MAPKAPK5: variants seen among roughly 807,000 people sequenced by gnomAD.
MAPKAPK5 encodes the protein MAP kinase-activated protein kinase 5.
Under a neutral mutation model 65.1 loss-of-function variants are expected in MAPKAPK5, and 30 were observed. The observed-to-expected ratio is 0.46, with a 90% CI of 0.34 to 0.63. The LOEUF is 0.63. Among genes scored for constraint, MAPKAPK5 ranks in the 20% least tolerant of loss-of-function variants. MAPKAPK5 has a pLI of 0.01. For synonymous variants in MAPKAPK5, 179 were observed against 204.6 expected (o/e 0.87, Z 1.07); for missense variants, 433 against 581.4 (o/e 0.74, Z 2.63).
rs1370256996 is a variant in MAPKAPK5 at position 111,899,958 on chromosome 12, T to TA, written c.*6898dup. The TA allele has an allele frequency of 4.4e-6, 2 of 456,106 alleles. No homozygotes were observed. Among genetic ancestry groups the TA allele is most frequent in the Admixed American group, 4.7e-5 (2 of 42,576 alleles). 28.3% of individuals were successfully genotyped at this position (456,106 alleles called of 1,614,324 possible). On this transcript the variant is annotated 3_prime_UTR_variant, in exon 14 of 14. Coordinates refer to ENST00000550735, the MANE Select transcript of MAPKAPK5 (RefSeq NM_003668.4). ...GTCCTACTTGTGGTCACACAAAAAG[T>TA]ACGTGGAGATGTTTGTCGTGGTCAA...
chr12:111,872,351 A>G (rs2069811585), intron 7 of MAPKAPK5, among the ~76,000 whole-genome samples: 1 of 152,142 alleles, frequency 6.6e-6, no homozygotes, highest in African/African-American at 2.4e-5. Context: ...TTTAATCACG[A>G]CATTGTCCTG....
In MAPKAPK5 at chr12:111,890,041, A is replaced by G; in HGVS notation, c.1218A>G (p.Gly406=). The change falls in exon 13 of 14, where the codon GGA becomes GGG. Residue 406 remains glycine, a splice_region_variant and synonymous_variant. Coordinates refer to ENST00000550735, the MANE Select transcript of MAPKAPK5 (RefSeq NM_003668.4). ...ATTCCTCTTCATCCTTACCAATAGG[A>G]GAGAATGAAGATGAGAAACTGAATG... is the stretch of plus-strand genomic sequence containing the variant. ...VIAQCILPQA[G]ENEDEKLNEV... is the part of the protein sequence containing the mutation. The G allele has an allele frequency of 6.4e-7, 1 of 1,573,684 alleles. No homozygotes were observed. Among genetic ancestry groups the G allele is most frequent in the Non-Finnish European group, 8.7e-7 (1 of 1,155,288 alleles).
At position 111,880,438 on chromosome 12, in the gene MAPKAPK5, T is replaced by A; in HGVS notation, c.580-9T>A. ...ATTAAATGGTCCCCTTTGGTCTGACTCTTGACAGGTACTGGAGGCGCAAAG... is the reference window on the plus strand; with the variant it reads ...ATTAAATGGTCCCCTTTGGTCTGACACTTGACAGGTACTGGAGGCGCAAAG... On this transcript the variant is annotated splice_polypyrimidine_tract_variant and intron_variant, in intron 7 of 13. Transcript: ENST00000550735. 6.2e-7 allele frequency: 1 copy of A among 1,613,252 alleles called. No homozygotes were observed. The highest frequency in any genetic ancestry group is 8.5e-7 in the Non-Finnish European group (1 of 1,179,236).
At position 111,900,002 on chromosome 12, in the gene MAPKAPK5, G is replaced by T. The variant is rs777447106; in HGVS notation, c.*6941G>T. ...TGGTCAACAACCAGCGGTTCCAGAT[G>T]TGGGGCAGTAACGTCAATGAGACGG... On this transcript the variant is annotated 3_prime_UTR_variant, in exon 14 of 14. Coordinates refer to ENST00000550735, the MANE Select transcript of MAPKAPK5 (RefSeq NM_003668.4). 2.2e-6 allele frequency: 1 copy of T among 455,988 alleles called. No individual in the cohort carries two copies. The highest frequency in any genetic ancestry group is 1.5e-5 in the South Asian group (1 of 64,566). The allele number at this position is 455,988 out of a possible 1,614,324, so 28.2% of individuals were successfully genotyped here. A position where few individuals can be genotyped will look rare whatever the true frequency, so the allele number is the denominator to read the frequency against.
At chr12:111,878,677 C>T (rs1395977242) in intron 7 of MAPKAPK5, among the ~76,000 whole-genome samples, 1 of 152,096 alleles carries the variant, frequency 6.6e-6, no homozygotes, top group East Asian at 1.9e-4. Flanking sequence ...CCTCGGCCTC[C>T]CAAAGTGCTG....
chr12:111,871,453 A>T (rs1391598532), intron 7 of MAPKAPK5, among the ~76,000 whole-genome samples: 1 of 152,076 alleles, frequency 6.6e-6, no homozygotes, highest in Admixed American at 6.6e-5. Context: ...ATCCTGGATA[A>T]CACGGTGAAA....
intron 7 of MAPKAPK5, among the ~76,000 whole-genome samples, chr12:111,871,636 C>T (rs2069789138): frequency 1.3e-5 from 2 of 152,002 alleles, no homozygotes; most frequent in African/African-American, 2.4e-5. Context: ...GAGCGAGACT[C>T]CGTCTCAAAA....
chr12:111,889,223 T>C (rs990505962), intron 12 of MAPKAPK5: 3 of 451,614 alleles, frequency 6.6e-6, no homozygotes, highest in Non-Finnish European at 1.2e-5. Context: ...CCCTCCTTTG[T>C]TTCTGTGGAA....
At chr12:111,842,807 T>C in intron 1 of MAPKAPK5, 38 bp downstream of exon 1, 1 of 1,300,260 alleles carries the variant, frequency 7.7e-7, no homozygotes, top group Non-Finnish European at 9.9e-7. Flanking sequence ...CGCGTTGTCC[T>C]GTGGCGTTCT....
In MAPKAPK5 at chr12:111,868,862, G is replaced by T; in HGVS notation, c.393+1G>T. 3 of 1,555,666 alleles carry T rather than the reference G, an allele frequency of 1.9e-6. No homozygotes were observed. Among genetic ancestry groups the T allele is most frequent in the Non-Finnish European group, 2.6e-6 (3 of 1,149,568 alleles). Reference sequence around the variant, plus strand: ...GCAAGCCAGCCAAGTAACAAAGCAGGCAAGTTAACCCCAGGTACCAATCAA... The same window carrying T: ...GCAAGCCAGCCAAGTAACAAAGCAGTCAAGTTAACCCCAGGTACCAATCAA... On this transcript the variant is annotated splice_donor_variant, in intron 5 of 13. Coordinates refer to ENST00000550735, the MANE Select transcript of MAPKAPK5 (RefSeq NM_003668.4). LOFTEE classifies it high-confidence loss of function.
intron 7 of MAPKAPK5, among the ~76,000 whole-genome samples, chr12:111,872,569 G>C (rs550550339): frequency 6.6e-6 from 1 of 152,290 alleles, no homozygotes; most frequent in South Asian, 2.1e-4. Context: ...AAACTTAGTA[G>C]ATAAAAACAA....
intron 10 of MAPKAPK5, 38 bp downstream of exon 10, chr12:111,886,074 G>C: frequency 6.2e-7 from 1 of 1,613,652 alleles, no homozygotes; most frequent in Non-Finnish European, 8.5e-7. Context: ...TGAAAAGACT[G>C]TGTTGGGAAG....
rs1026550110 is a variant in MAPKAPK5 at position 111,867,654 on chromosome 12, A to G, written c.269A>G (p.His90Arg). ...TTTGCTAACAGTGTCCAGTTTCCCC[A>G]TGAGTCCAGCCCTAGGTAAGACTAC... ...EVFANSVQFPHESSPRARLLI... is the reference protein window; with the variant it reads ...EVFANSVQFPRESSPRARLLI... Residue 90 changes from histidine (H) to arginine (R), a missense_variant, in exon 4 of 14, where the codon CAT (histidine) becomes CGT (arginine). Physicochemically the swap from His to Arg is conservative, Grantham distance 29 (BLOSUM62 0). Transcript: ENST00000550735. 7.4e-6 allele frequency: 12 copies of G among 1,613,574 alleles called. No homozygotes were observed. Among genetic ancestry groups the G allele is most frequent in the Non-Finnish European group, 8.5e-6 (10 of 1,179,698 alleles).
chr12:111,856,120 G>C (rs2069231028), intron 1 of MAPKAPK5, among the ~76,000 whole-genome samples: 1 of 152,014 alleles, frequency 6.6e-6, no homozygotes, highest in Admixed American at 6.5e-5. Flanking sequence ...CTCCCAAAGT[G>C]CTGGGATTAC....
chr12:111,899,814 T>TG lies in MAPKAPK5; in HGVS notation c.*6755dup, dbSNP rs1251245022. The TG allele has an allele frequency of 2.4e-6, 1 of 423,732 alleles. No individual in the cohort carries two copies. The highest frequency in any genetic ancestry group is 1.6e-5 in the South Asian group (1 of 61,546). The allele number at this position is 423,732 out of a possible 1,614,324, so 26.2% of individuals were successfully genotyped here. On this transcript the variant is annotated 3_prime_UTR_variant, in exon 14 of 14. Coordinates refer to ENST00000550735, the MANE Select transcript of MAPKAPK5 (RefSeq NM_003668.4). ...GAAAAATCTTACAGCATTGAGCCCA[T>TG]GGACTCTTCAAGACGGTTTGAACAT... is the stretch of plus-strand genomic sequence containing the variant.
At chr12:111,889,579 G>A (rs56729266) in intron 12 of MAPKAPK5, 2,376 of 167,192 alleles carry the variant, frequency 0.014, 73 homozygotes, top group African/African-American at 0.054. Flanking sequence ...TAAATGAGAT[G>A]CTTCACGTAC....
rs1002421427 is a variant in MAPKAPK5, at chr12:111,896,867, G to C, written c.*3806G>C. 6.6e-6 allele frequency: 1 copy of C among 152,292 alleles called. No individual in the cohort carries two copies. Among genetic ancestry groups the C allele is most frequent in the Admixed American group, 6.5e-5 (1 of 15,288 alleles). The allele number at this position is 152,292 out of a possible 1,614,324, so 9.4% of individuals were successfully genotyped here. A position where few individuals can be genotyped will look rare whatever the true frequency, so the allele number is the denominator to read the frequency against. ...GATGAGGCTCAGCGTGGTGGCTCAT[G>C]CCTTTAGTAATCCCAGCACTTTGGG... On this transcript the variant is annotated 3_prime_UTR_variant, in exon 14 of 14. Coordinates refer to ENST00000550735, the MANE Select transcript of MAPKAPK5 (RefSeq NM_003668.4).
intron 9 of MAPKAPK5, 133 bp from the exon 10 acceptor site, chr12:111,885,783 T>C (rs2070381045): frequency 6.4e-6 from 7 of 1,096,322 alleles, no homozygotes; most frequent in South Asian, 3.2e-5. Flanking sequence ...ATCCCATCTG[T>C]GCTCTGCAGG....
chr12:111,870,307 A>C lies in MAPKAPK5; in HGVS notation c.430A>C (p.Ile144Leu), dbSNP rs199721843. Residue 144 changes from isoleucine (I) to leucine (L), a missense_variant, in exon 6 of 14, where the codon ATT (isoleucine) becomes CTT (leucine). Ile to Leu is a conservative substitution (Grantham distance 5). Coordinates refer to ENST00000550735, the MANE Select transcript of MAPKAPK5 (RefSeq NM_003668.4). The stretch of plus-strand genomic sequence containing the variant: ...TCTGCGGCACTGTCACTTGTTAAAC[A>C]TTGCGCACAGAGACCTCAAGCCTGA... ...LALRHCHLLN[I>L]AHRDLKPENL... 9.8e-4 allele frequency: 1,571 copies of C among 1,611,042 alleles called. No homozygotes were observed. The highest frequency in any genetic ancestry group is 1.9e-3 in the Admixed American group (113 of 59,972).
Sources: gnomAD v4.1 joint callset for allele counts (sites outside exome capture counted in the v4.1 genomes callset) on GRCh38, gnomAD v4.1.1 for gene constraint, MANE v1.5 for transcripts, NCBI Gene and HGNC (gene_info 2026-07-23, HGNC 2026-07-21) for gene names.